CAMK1D: variants seen among roughly 807,000 people sequenced by gnomAD.
CAMK1D encodes the protein calcium/calmodulin dependent protein kinase ID, also known as calcium/calmodulin-dependent protein kinase type 1D.
In CAMK1D, 9 loss-of-function variants were observed where a neutral mutation model predicts 47.7. That is an observed-to-expected ratio of 0.19 (90% confidence interval 0.11 to 0.33). The LOEUF is 0.33. Among genes scored for constraint, CAMK1D ranks in the 10% least tolerant of loss-of-function variants. The pLI is 1.00. For missense variants in CAMK1D, 291 were observed against 488.7 expected (o/e 0.60, Z 3.81); for synonymous variants, 184 against 184.9 (o/e 0.99, Z 0.04).
At chr10:12,429,107 C>T (rs1159259416) in intron 1 of CAMK1D, among the ~76,000 whole-genome samples, 1 of 152,194 alleles carries the variant, frequency 6.6e-6, no homozygotes, top group African/African-American at 2.4e-5. Flanking sequence ...CTGCCATCTC[C>T]CACATTGTGC....
intron 3 of CAMK1D, among the ~76,000 whole-genome samples, chr10:12,737,536 A>C (rs1426061399): frequency 6.6e-6 from 1 of 152,000 alleles, no homozygotes; most frequent in Non-Finnish European, 1.5e-5. Flanking sequence ...CTCAACTTGC[A>C]AAGTCCCACC....
At chr10:12,605,795 C>T (rs1237718008) in intron 2 of CAMK1D, among the ~76,000 whole-genome samples, 2 of 152,216 alleles carry the variant, frequency 1.3e-5, no homozygotes, top group Admixed American at 6.5e-5. Flanking sequence ...CCCTCTCTCT[C>T]CCTTTGGCAG....
chr10:12,488,923 A>G (rs2132114757), intron 1 of CAMK1D, among the ~76,000 whole-genome samples: 1 of 152,186 alleles, frequency 6.6e-6, no homozygotes, highest in African/African-American at 2.4e-5. Flanking sequence ...CCTGCTGTGC[A>G]GCCTTTTATT....
intron 2 of CAMK1D, among the ~76,000 whole-genome samples, chr10:12,632,719 C>T (rs1839415084): frequency 6.6e-6 from 1 of 151,974 alleles, no homozygotes; most frequent in African/African-American, 2.4e-5. Flanking sequence ...TTTTTTTAGA[C>T]AGTCTCACTC....
At chr10:12,779,511 C>A (rs1268067716) in intron 5 of CAMK1D, among the ~76,000 whole-genome samples, 2 of 152,116 alleles carry the variant, frequency 1.3e-5, no homozygotes, top group Non-Finnish European at 2.9e-5. Flanking sequence ...CTCACTGCAG[C>A]CTCGATCCCC....
intron 4 of CAMK1D, 92 bp downstream of exon 4, chr10:12,761,178 G>A (rs1416628134): frequency 1.2e-5 from 17 of 1,457,614 alleles, no homozygotes; most frequent in Admixed American, 6.0e-5. Flanking sequence ...GCATGCAGCT[G>A]CTCTGATGTA....
At chr10:12,658,696 T>C (rs1260701147) in intron 2 of CAMK1D, among the ~76,000 whole-genome samples, 1 of 152,000 alleles carries the variant, frequency 6.6e-6, no homozygotes, top group African/African-American at 2.4e-5. Flanking sequence ...CATCAGGCCA[T>C]TGACCAGCAG....
chr10:12,833,332 A>T lies in CAMK1D; in HGVS notation c.*4445A>T, dbSNP rs1251527831. The T allele has an allele frequency of 6.6e-6, 1 of 152,492 alleles. No individual in the cohort carries two copies. Among genetic ancestry groups the T allele is most frequent in the Non-Finnish European group, 1.5e-5 (1 of 68,276 alleles). The allele number at this position is 152,492 out of a possible 1,614,324, so 9.4% of individuals were successfully genotyped here. A position where few individuals can be genotyped will look rare whatever the true frequency, so the allele number is the denominator to read the frequency against. On this transcript the variant is annotated 3_prime_UTR_variant, in exon 11 of 11. Coordinates refer to ENST00000619168, the MANE Select transcript of CAMK1D (RefSeq NM_153498.4). ...GGGGGGAATGGGGGGAGCCCAGGTGATCCCCTTTGGAAAGTGGATTGATCC... is the reference window on the plus strand; with the variant it reads ...GGGGGGAATGGGGGGAGCCCAGGTGTTCCCCTTTGGAAAGTGGATTGATCC...
intron 1 of CAMK1D, among the ~76,000 whole-genome samples, chr10:12,379,721 GCAGTCTGGGCGGCAA>G (rs1838285156): frequency 6.6e-6 from 1 of 151,986 alleles, no homozygotes; most frequent in African/African-American, 2.4e-5. Context: ...CCACTGCACT[GCAGTCTGGGCGGCAA>G]AGCGAAACCT....
At chr10:12,353,775 TAATC>T (rs1313807381) in intron 1 of CAMK1D, among the ~76,000 whole-genome samples, 2 of 152,126 alleles carry the variant, frequency 1.3e-5, no homozygotes, top group African/African-American at 2.4e-5. Context: ...TATTGTCTAT[TAATC>T]AACATGTTTT....
At chr10:12,413,643 G>A (rs967902954) in intron 1 of CAMK1D, among the ~76,000 whole-genome samples, 4 of 40 alleles carry the variant, frequency 0.1, no homozygotes, top group Admixed American at 0.5. Context: ...AGAAATGTGG[G>A]TTTGAAGGAG....
chr10:12,405,751 G>C lies in CAMK1D; in HGVS notation c.92+55841G>C, dbSNP rs1447711494. Among the ~76,000 whole-genome samples, 4 of 152,284 alleles carry C rather than the reference G, an allele frequency of 2.6e-5. No individual in the cohort carries two copies. In the East Asian group the frequency reaches 5.8e-4, roughly 22 times the overall value. ...AAACCCGTGATATCAGCATGACATGGTCATATTGTTTAATCTGCTTTACAA... is the reference window on the plus strand; with the variant it reads ...AAACCCGTGATATCAGCATGACATGCTCATATTGTTTAATCTGCTTTACAA... On this transcript the variant is annotated intron_variant, in intron 1 of 10. Coordinates refer to ENST00000619168, the MANE Select transcript of CAMK1D (RefSeq NM_153498.4).
At chr10:12,454,020 T>C (rs746056442) in intron 1 of CAMK1D, among the ~76,000 whole-genome samples, 5 of 152,206 alleles carry the variant, frequency 3.3e-5, no homozygotes, top group Non-Finnish European at 7.3e-5. Flanking sequence ...GTTGAAACCC[T>C]TCCCCTGGTT....
chr10:12,544,985 G>A (rs1836316136), intron 1 of CAMK1D, among the ~76,000 whole-genome samples: 1 of 152,184 alleles, frequency 6.6e-6, no homozygotes, highest in Admixed American at 6.5e-5. Flanking sequence ...GAGCCTGATG[G>A]GGAATCAGAG....
intron 2 of CAMK1D, among the ~76,000 whole-genome samples, chr10:12,609,228 G>A (rs1257319529): frequency 2.6e-5 from 4 of 152,212 alleles, no homozygotes; most frequent in African/African-American, 9.6e-5. Flanking sequence ...AGAGCTGTGA[G>A]GAACACGAAC....
chr10:12,802,348 G>A lies in CAMK1D; in HGVS notation c.641+11115G>A, dbSNP rs370981162. On this transcript the variant is annotated intron_variant, in intron 6 of 10. Coordinates refer to ENST00000619168, the MANE Select transcript of CAMK1D (RefSeq NM_153498.4). Reference sequence around the variant, plus strand: ...GCATAGCGCTGAAAAAGGCTTCTCCGTCCTGTTGGGATTTTCTCAGTATAA... The same window carrying A: ...GCATAGCGCTGAAAAAGGCTTCTCCATCCTGTTGGGATTTTCTCAGTATAA... Among the ~76,000 whole-genome samples the A allele has an allele frequency of 1.8e-4, 27 of 152,162 alleles. No individual in the cohort carries two copies. In the East Asian group the frequency reaches 4.5e-3, roughly 25 times the overall value.
rs1457409904 is a variant in CAMK1D at position 12,519,019 on chromosome 10, G to A, written c.93-34206G>A. ...GCCGCTGGGCACACCTCCCAGACGG[G>A]GTGGTGGCCGGGCAGAGGGGCTCCT... On this transcript the variant is annotated intron_variant, in intron 1 of 10. Transcript: ENST00000619168. 2.2e-4 allele frequency among the ~76,000 whole-genome samples: 26 copies of A among 115,570 alleles called. 1 individual carries two copies. The highest frequency in any genetic ancestry group is 8.1e-4 in the African/African-American group (25 of 31,044). The allele number at this position is 115,570 out of a possible 152,430, so 75.8% of individuals were successfully genotyped here. A position where few individuals can be genotyped will look rare whatever the true frequency, so the allele number is the denominator to read the frequency against.
intron 2 of CAMK1D, among the ~76,000 whole-genome samples, chr10:12,565,669 T>G (rs1469366997): frequency 1.3e-5 from 2 of 152,252 alleles, no homozygotes; most frequent in Non-Finnish European, 2.9e-5. Flanking sequence ...CAAGCATTGT[T>G]TCATTTAATC....
intron 5 of CAMK1D, among the ~76,000 whole-genome samples, chr10:12,780,431 T>C (rs1837444112): frequency 1.3e-5 from 2 of 152,208 alleles, no homozygotes; most frequent in Admixed American, 6.5e-5. Flanking sequence ...TAACATTGTG[T>C]GTTTCTATAG....
Sources: gnomAD v4.1 joint callset for allele counts (sites outside exome capture counted in the v4.1 genomes callset) on GRCh38, gnomAD v4.1.1 for gene constraint, MANE v1.5 for transcripts, NCBI Gene and HGNC (gene_info 2026-07-23, HGNC 2026-07-21) for gene names.